The following C3orf70 variants were observed in gnomAD, a reference collection of about 807,000 sequenced individuals.
C3orf70 encodes UPF0524 protein C3orf70.
A neutral mutation model predicts 20.7 loss-of-function variants in C3orf70; 15 were observed. The ratio of observed to expected loss-of-function variants is 0.72; its 90% CI spans 0.48 to 1.11. C3orf70 has a LOEUF of 1.11. C3orf70 is among the 50% of genes most tolerant of loss of function. C3orf70 has a pLI of 0.00. For missense variants in C3orf70, 332 were observed against 317.6 expected, an observed-to-expected ratio of 1.05 and a Z score of -0.34; for synonymous variants, 161 against 125.7, an observed-to-expected ratio of 1.28 and a Z score of -1.88.
chr3:185,137,903 A>C (rs2108604811), intron 1 of C3orf70, among the ~76,000 whole-genome samples: 1 of 152,328 alleles, frequency 6.6e-6, no homozygotes, highest in Non-Finnish European at 1.5e-5. Context: ...TGAGAGCAGA[A>C]ATCAAAGACA....
At chr3:185,112,059 G>T (rs1314863904) in intron 1 of C3orf70, among the ~76,000 whole-genome samples, 2 of 152,144 alleles carry the variant, frequency 1.3e-5, no homozygotes, top group Non-Finnish European at 2.9e-5. Flanking sequence ...GGGAGGCTGA[G>T]GCAGGTGGAT....
chr3:185,135,832 A>C (rs1251035348), intron 1 of C3orf70, among the ~76,000 whole-genome samples: 1 of 152,350 alleles, frequency 6.6e-6, no homozygotes, highest in South Asian at 2.1e-4. Context: ...AGACATTCAA[A>C]AATATTAGAG....
intron 1 of C3orf70, among the ~76,000 whole-genome samples, chr3:185,112,950 C>T (rs547871698): frequency 2.9e-4 from 44 of 152,110 alleles, no homozygotes; most frequent in Non-Finnish European, 3.4e-4. Context: ...TAAAAGTTCT[C>T]ATGACATTAT....
chr3:185,147,712 T>A (rs532303873), intron 1 of C3orf70, among the ~76,000 whole-genome samples: 1 of 152,330 alleles, frequency 6.6e-6, no homozygotes, highest in South Asian at 2.1e-4. Context: ...AAGTAATCAC[T>A]CAGTAAATAT....
In C3orf70 at chr3:185,127,389, T is replaced by C. The variant is rs1441669938; in HGVS notation, c.196+25239A>G. On this transcript the variant is annotated intron_variant, in intron 1 of 1. Coordinates refer to ENST00000335012, the MANE Select transcript of C3orf70 (RefSeq NM_001025266.3). ...TAACTCCCTGAGAAGATATATGGTA[T>C]AGATTAGCTTGAAGAAAGGAACTAA... 2.0e-5 allele frequency among the ~76,000 whole-genome samples: 3 copies of C among 152,172 alleles called. No homozygotes were observed. The East Asian group carries it at 5.8e-4, about 29-fold the overall frequency.
At chr3:185,109,798 T>C (rs1383542044) in intron 1 of C3orf70, among the ~76,000 whole-genome samples, 3 of 152,212 alleles carry the variant, frequency 2.0e-5, no homozygotes, top group Non-Finnish European at 4.4e-5. Context: ...ATAATAAATC[T>C]GCTCCTATAA....
At chr3:185,109,082 G>C (rs535073758) in intron 1 of C3orf70, among the ~76,000 whole-genome samples, 1 of 152,306 alleles carries the variant, frequency 6.6e-6, no homozygotes, top group Admixed American at 6.5e-5. Flanking sequence ...TGGAAAGAAT[G>C]AATATCTCCC....
Position 185,083,143 on chromosome 3 carries a change from T to C in C3orf70, c.617A>G (p.Asp206Gly). The change falls in exon 2 of 2, where the codon GAC becomes GGC. Residue 206 changes from aspartate to glycine, a missense_variant. Coordinates refer to ENST00000335012, the MANE Select transcript of C3orf70 (RefSeq NM_001025266.3). ...ACTCAGTTCTGCTCCTTCTTCTGTG[T>C]CCTCGTCACACGATTCCACATAGTG... ...GAHYVESCDE[D>G]TEEGAELSSE... is the part of the protein sequence containing the mutation. The C allele has an allele frequency of 6.2e-7, 1 of 1,614,204 alleles. No individual in the cohort carries two copies. The highest frequency in any genetic ancestry group is 1.3e-5 in the African/African-American group (1 of 75,044).
At chr3:185,127,451 T>G (rs908668290) in intron 1 of C3orf70, among the ~76,000 whole-genome samples, 1 of 152,172 alleles carries the variant, frequency 6.6e-6, no homozygotes, top group South Asian at 2.1e-4. Flanking sequence ...ATTATTATTA[T>G]TTTTTGAGAT....
chr3:185,084,259 T>C (rs1715415219), intron 1 of C3orf70, among the ~76,000 whole-genome samples: 1 of 152,230 alleles, frequency 6.6e-6, no homozygotes, highest in Non-Finnish European at 1.5e-5. Context: ...TCTAATAATG[T>C]TTGTGTTAAT....
chr3:185,084,001 G>A lies in C3orf70; in HGVS notation c.197-438C>T, dbSNP rs992348159. On this transcript the variant is annotated intron_variant, in intron 1 of 1. Transcript: ENST00000335012. ...GGAGTTCCAGACTAGCCTGGCCAACGTGGCAAAACCCTGTCTCTACTAAAA... is the reference window on the plus strand; with the variant it reads ...GGAGTTCCAGACTAGCCTGGCCAACATGGCAAAACCCTGTCTCTACTAAAA... 2.6e-5 allele frequency among the ~76,000 whole-genome samples: 4 copies of A among 152,104 alleles called. No homozygotes were observed. The South Asian group carries it at 6.2e-4, about 24-fold the overall frequency.
chr3:185,111,181 A>G (rs1716064903), intron 1 of C3orf70, among the ~76,000 whole-genome samples: 1 of 152,264 alleles, frequency 6.6e-6, no homozygotes, highest in African/African-American at 2.4e-5. Flanking sequence ...ATAAATCTTT[A>G]TGATCTTGAA....
In C3orf70 at chr3:185,152,727, G is replaced by C; in HGVS notation, c.97C>G (p.Pro33Ala). The change falls in exon 1 of 2, where the codon CCC (proline) becomes GCC (alanine). Residue 33 changes from proline (P) to alanine (A), a missense_variant. Transcript: ENST00000335012. ...ALARSCAARR[P>A]DFQPCDGLSI... Reference sequence around the variant, plus strand: ...AGCCCGTCGCACGGCTGGAAGTCGGGTCTGCGGGCGGCGCAACTCCGCGCC... The same window carrying C: ...AGCCCGTCGCACGGCTGGAAGTCGGCTCTGCGGGCGGCGCAACTCCGCGCC... 1.3e-6 allele frequency: 2 copies of C among 1,593,750 alleles called. No individual in the cohort carries two copies. Among genetic ancestry groups the C allele is most frequent in the Non-Finnish European group, 1.7e-6 (2 of 1,170,816 alleles).
intron 1 of C3orf70, among the ~76,000 whole-genome samples, chr3:185,131,051 G>T (rs572958216): frequency 6.6e-6 from 1 of 152,182 alleles, no homozygotes; most frequent in East Asian, 1.9e-4. Context: ...TTTCCAACGT[G>T]GTTACACCAT....
chr3:185,088,528 T>A (rs181731653), intron 1 of C3orf70, among the ~76,000 whole-genome samples: 1 of 132,650 alleles, frequency 7.5e-6, no homozygotes, highest in East Asian at 2.0e-4. Context: ...AAATCTATGA[T>A]TTTTTTTCAA....
chr3:185,146,657 T>C (rs914600890), intron 1 of C3orf70, among the ~76,000 whole-genome samples: 1 of 152,224 alleles, frequency 6.6e-6, no homozygotes, highest in Non-Finnish European at 1.5e-5. Flanking sequence ...ATTTTTGTTG[T>C]TGTTGCTAGT....
At chr3:185,092,419 G>T (rs111645422) in intron 1 of C3orf70, among the ~76,000 whole-genome samples, 4,028 of 151,756 alleles carry the variant, frequency 0.027, 75 homozygotes, top group East Asian at 0.094. Context: ...ACTCCTCTCT[G>T]TCCAGATCTC....
At position 185,102,180 on chromosome 3, in the gene C3orf70, G is replaced by A. The variant is rs114010915; in HGVS notation, c.197-18617C>T. ...TATATCTAGAAAACCCCACAGTCTC[G>A]GCCCAAAAGCTCCTTCAGCTAATAA... On this transcript the variant is annotated intron_variant, in intron 1 of 1. Coordinates refer to ENST00000335012, the MANE Select transcript of C3orf70 (RefSeq NM_001025266.3). Among the ~76,000 whole-genome samples the A allele has an allele frequency of 6.4e-3, 981 of 152,146 alleles. 13 individuals are homozygous for A. The highest frequency in any genetic ancestry group is 0.022 in the African/African-American group (919 of 41,498).
chr3:185,106,272 A>G (rs1715937710), intron 1 of C3orf70, among the ~76,000 whole-genome samples: 2 of 152,182 alleles, frequency 1.3e-5, no homozygotes, highest in African/African-American at 4.8e-5. Context: ...TTTTCCTTTT[A>G]AATTCAGGAA....
Sources: allele counts gnomAD v4.1 joint callset (sites outside exome capture counted in the v4.1 genomes callset), GRCh38; gene constraint gnomAD v4.1.1; transcripts MANE v1.5; gene names NCBI Gene and HGNC (gene_info 2026-07-23, HGNC 2026-07-21).